The following CPPED1 variants were observed in gnomAD, a reference collection of about 807,000 sequenced individuals.
The protein encoded by CPPED1 is calcineurin like phosphoesterase domain containing 1, also known as serine/threonine-protein phosphatase CPPED1.
In CPPED1, 28 loss-of-function variants were observed where a neutral mutation model predicts 28.0. The ratio of observed to expected loss-of-function variants is 1.00; its 90% CI spans 0.74 to 1.37. The LOEUF is 1.37. Ranked by LOEUF, CPPED1 falls within the 40% of genes most tolerant of loss-of-function variation. CPPED1 has a pLI of 0.00. For missense variants in CPPED1, 504 were observed against 416.5 expected (o/e 1.21, Z -1.83); for synonymous variants, 198 against 180.2 (o/e 1.10, Z -0.79).
chr16:12,681,818 C>T (rs74417291), intron 3 of CPPED1, among the ~76,000 whole-genome samples: 2,546 of 152,194 alleles, frequency 0.017, 33 homozygotes, highest in Non-Finnish European at 0.028. Context: ...TTCCACCCAC[C>T]GCATCTGCAT....
intron 3 of CPPED1, among the ~76,000 whole-genome samples, chr16:12,695,320 A>G (rs2079984197): frequency 6.6e-6 from 1 of 152,178 alleles, no homozygotes; most frequent in South Asian, 2.1e-4. Flanking sequence ...GATAGAGTAC[A>G]GTGGTGCAAT....
intron 1 of CPPED1, among the ~76,000 whole-genome samples, chr16:12,800,415 G>C (rs2080652088): frequency 6.9e-6 from 1 of 144,650 alleles, no homozygotes; most frequent in Non-Finnish European, 1.5e-5. Context: ...CTGGGTGACA[G>C]AGCTAGACTC....
intron 2 of CPPED1, among the ~76,000 whole-genome samples, chr16:12,774,607 T>G (rs1182165923): frequency 6.6e-6 from 1 of 152,166 alleles, no homozygotes; most frequent in Non-Finnish European, 1.5e-5. Flanking sequence ...TCACCACACA[T>G]TGCTATGGTT....
At chr16:12,718,342 C>T (rs903062303) in intron 2 of CPPED1, among the ~76,000 whole-genome samples, 1 of 151,962 alleles carries the variant, frequency 6.6e-6, no homozygotes, top group Non-Finnish European at 1.5e-5. Flanking sequence ...AGTTCGAGAC[C>T]AGCTTGGCCA....
intron 2 of CPPED1, among the ~76,000 whole-genome samples, chr16:12,779,520 C>T (rs1352186280): frequency 2.6e-5 from 4 of 152,064 alleles, no homozygotes; most frequent in African/African-American, 4.8e-5. Context: ...TCCCAAGTAG[C>T]TGGGGTTACA....
intron 3 of CPPED1, among the ~76,000 whole-genome samples, chr16:12,699,464 G>A (rs1369312211): frequency 6.6e-6 from 1 of 152,028 alleles, no homozygotes; most frequent in Non-Finnish European, 1.5e-5. Flanking sequence ...CCACTGCACA[G>A]TGACACCCTC....
chr16:12,766,163 C>G (rs143550855), intron 2 of CPPED1, among the ~76,000 whole-genome samples: 1 of 151,064 alleles, frequency 6.6e-6, no homozygotes, highest in African/African-American at 2.5e-5. Context: ...GAGGCAGAGG[C>G]GGGTGCATCA....
intron 3 of CPPED1, among the ~76,000 whole-genome samples, chr16:12,674,956 G>A (rs1221785441): frequency 6.6e-6 from 1 of 152,198 alleles, no homozygotes; most frequent in Non-Finnish European, 1.5e-5. Flanking sequence ...GGCAGGGCCA[G>A]CTTCTCACTG....
At chr16:12,780,261 C>T (rs1406096271) in intron 2 of CPPED1, among the ~76,000 whole-genome samples, 3 of 152,182 alleles carry the variant, frequency 2.0e-5, no homozygotes, top group Admixed American at 6.5e-5. Context: ...CTCACTGCAA[C>T]CTCCGCCTCC....
At chr16:12,702,860 A>G (rs1336009767) in intron 3 of CPPED1, among the ~76,000 whole-genome samples, 3 of 151,902 alleles carry the variant, frequency 2.0e-5, no homozygotes, top group Non-Finnish European at 4.4e-5. Flanking sequence ...AAAAATACAA[A>G]AACTAGCTGG....
At chr16:12,711,688 G>C (rs1026440576) in intron 2 of CPPED1, among the ~76,000 whole-genome samples, 3 of 152,074 alleles carry the variant, frequency 2.0e-5, no homozygotes, top group Non-Finnish European at 2.9e-5. Context: ...CTTGGGGTTG[G>C]CTTTTCAAGG....
chr16:12,679,127 C>T (rs1336689966), intron 3 of CPPED1, among the ~76,000 whole-genome samples: 1 of 152,170 alleles, frequency 6.6e-6, no homozygotes, highest in East Asian at 1.9e-4. Flanking sequence ...AGGGAAACTC[C>T]TCAGGAGGAC....
rs571452244 is a variant in CPPED1, at chr16:12,661,420, C to G, written c.*3466G>C. The G allele has an allele frequency of 2.0e-5, 3 of 152,304 alleles. No individual in the cohort carries two copies. The highest frequency in any genetic ancestry group is 7.2e-5 in the African/African-American group (3 of 41,564). The allele number at this position is 152,304 out of a possible 1,614,324, so 9.4% of individuals were successfully genotyped here. A position where few individuals can be genotyped will look rare whatever the true frequency, so the allele number is the denominator to read the frequency against. ...ACATTTTTTCCCCATTCTCCCCAAA[C>G]TTAGGAGAAACTTGACTAAAGATGT... On this transcript the variant is annotated 3_prime_UTR_variant, in exon 4 of 4. Transcript: ENST00000381774.
intron 1 of CPPED1, among the ~76,000 whole-genome samples, chr16:12,782,171 A>G (rs986954138): frequency 8.5e-5 from 13 of 152,060 alleles, no homozygotes; most frequent in African/African-American, 3.1e-4. Context: ...TTCTACTCTT[A>G]TCTGCCAGAA....
intron 2 of CPPED1, among the ~76,000 whole-genome samples, chr16:12,777,903 C>CTTTTTTTTTTTTTTTTTTTTTTTTTTTTT (rs67527035): frequency 7.9e-6 from 1 of 126,604 alleles, no homozygotes. Context: ...TTTCTATTTT[C>CTTTTTTTTTTTTTTTTTTTTTTTTTTTTT]TTTTTTTTTT....
intron 3 of CPPED1, among the ~76,000 whole-genome samples, chr16:12,687,139 C>T (rs943890008): frequency 1.3e-5 from 2 of 152,074 alleles, no homozygotes; most frequent in Non-Finnish European, 2.9e-5. Context: ...TTACAGAAAC[C>T]GTTTGCCAAC....
At chr16:12,711,094 T>C (rs2080077593) in intron 2 of CPPED1, among the ~76,000 whole-genome samples, 1 of 152,198 alleles carries the variant, frequency 6.6e-6, no homozygotes, top group Non-Finnish European at 1.5e-5. Flanking sequence ...AAATATCCAC[T>C]GACAGATGAA....
intron 2 of CPPED1, among the ~76,000 whole-genome samples, chr16:12,735,249 C>A (rs1471708166): frequency 1.3e-5 from 2 of 152,132 alleles, no homozygotes. Context: ...TAGACTATGA[C>A]AATAAAGTAT....
At chr16:12,726,340 CTTTTT>C (rs35865113) in intron 2 of CPPED1, among the ~76,000 whole-genome samples, 3 of 107,368 alleles carry the variant, frequency 2.8e-5, no homozygotes, top group East Asian at 2.8e-4. Context: ...GCACCCAGCC[CTTTTT>C]TTTTTTTTTT....
Sources: gnomAD v4.1 joint callset for allele counts (sites outside exome capture counted in the v4.1 genomes callset) on GRCh38, gnomAD v4.1.1 for gene constraint, MANE v1.5 for transcripts, NCBI Gene and HGNC (gene_info 2026-07-23, HGNC 2026-07-21) for gene names.